Variants in DENND1A observed in about 807,000 individuals in gnomAD.
DENND1A encodes the protein DENN domain-containing protein 1A.
DENND1A carries 51 observed loss-of-function variants against 113.7 expected under a neutral mutation model. The observed-to-expected ratio is 0.45, with a 90% confidence interval of 0.36 to 0.57. The LOEUF (loss-of-function observed/expected upper bound fraction) is 0.57, where lower values mean the gene tolerates loss of function less well. Among genes scored for constraint, DENND1A ranks in the 20% least tolerant of loss-of-function variants. DENND1A has a pLI of 0.00. For missense variants in DENND1A, 1,258 were observed against 1,395.9 expected (o/e 0.90, Z 1.57); for synonymous variants, 565 against 570.8 (o/e 0.99, Z 0.14).
intron 1 of DENND1A, among the ~76,000 whole-genome samples, chr9:123,890,331 C>T (rs1459859093): frequency 6.6e-6 from 1 of 152,126 alleles, no homozygotes; most frequent in Non-Finnish European, 1.5e-5. Flanking sequence ...AAAAGCTTCA[C>T]CATCTCCCCA....
chr9:123,600,132 A>C (rs2059878706), intron 11 of DENND1A, among the ~76,000 whole-genome samples: 1 of 152,190 alleles, frequency 6.6e-6, no homozygotes, highest in Non-Finnish European at 1.5e-5. Context: ...AGTAAGTTTA[A>C]GTTAATGTCA....
chr9:123,833,756 A>G (rs1840643377), intron 2 of DENND1A, among the ~76,000 whole-genome samples: 1 of 152,194 alleles, frequency 6.6e-6, no homozygotes, highest in Non-Finnish European at 1.5e-5. Context: ...AACTCACATC[A>G]ATGGGTCTTA....
intron 2 of DENND1A, among the ~76,000 whole-genome samples, chr9:123,799,922 C>G (rs1273366869): frequency 6.6e-6 from 1 of 152,130 alleles, no homozygotes; most frequent in Non-Finnish European, 1.5e-5. Context: ...ATTATTAACC[C>G]CAATGGAGAA....
chr9:123,460,310 T>C (rs140458172), intron 13 of DENND1A, among the ~76,000 whole-genome samples: 62 of 152,352 alleles, frequency 4.1e-4, no homozygotes, highest in African/African-American at 1.3e-3. Context: ...TCCATTCCTG[T>C]GGCTTGGAAG....
intron 21 of DENND1A, 122 bp from the exon 22 acceptor site, chr9:123,387,980 TGGGGTGGGGGCTCTCA>T (rs1366636171): frequency 8.7e-6 from 9 of 1,034,798 alleles, no homozygotes; most frequent in Non-Finnish European, 1.1e-5. Flanking sequence ...TGTGCCAGCC[TGGGGTGGGGGCTCTCA>T]GGAGAGGAAG....
intron 13 of DENND1A, among the ~76,000 whole-genome samples, chr9:123,517,797 A>C (rs550460611): frequency 7.2e-5 from 11 of 152,344 alleles, no homozygotes; most frequent in African/African-American, 2.6e-4. Flanking sequence ...ATTGCATGAA[A>C]AAGGAAGAAA....
intron 9 of DENND1A, among the ~76,000 whole-genome samples, chr9:123,635,497 T>A (rs7041880): frequency 0.44 from 66,310 of 152,134 alleles, 15,281 homozygotes; most frequent in African/African-American, 0.58. Flanking sequence ...ACCCTGTGCC[T>A]TCCACAGTGT....
intron 13 of DENND1A, among the ~76,000 whole-genome samples, chr9:123,554,725 A>G (rs981499473): frequency 6.6e-6 from 1 of 152,134 alleles, no homozygotes; most frequent in African/African-American, 2.4e-5. Flanking sequence ...CCATTGTAAC[A>G]TTTCTGAAAT....
chr9:123,462,150 C>T (rs890680299), intron 13 of DENND1A: 10 of 152,240 alleles, frequency 6.6e-5, no homozygotes, highest in African/African-American at 2.2e-4. Context: ...CTGAATGGCA[C>T]CAGGCACAGA....
At chr9:123,489,164 G>A (rs1273132588) in intron 13 of DENND1A, among the ~76,000 whole-genome samples, 1 of 152,304 alleles carries the variant, frequency 6.6e-6, no homozygotes, top group East Asian at 1.9e-4. Flanking sequence ...CTCGAATGGA[G>A]GGGACTATGT....
intron 3 of DENND1A, among the ~76,000 whole-genome samples, chr9:123,786,074 A>G (rs752164708): frequency 1.3e-5 from 2 of 151,996 alleles, no homozygotes; most frequent in Non-Finnish European, 2.9e-5. Context: ...TTAGCAGAGT[A>G]TGTTGGCACA....
At position 123,930,053 on chromosome 9, in the gene DENND1A, T is replaced by TCGCCGCCGC. The variant is rs1172827967; in HGVS notation, c.-157_-149dup. On this transcript the variant is annotated 5_prime_UTR_variant, in exon 1 of 24. Coordinates refer to ENST00000394215, the MANE Select transcript of DENND1A (RefSeq NM_001352964.2). ...GCCCGCCCGCTCGAGGCTCGCTCCCTCGCCGCCGCCGCCGCCTCCAGGGGT... is the reference window on the plus strand; with the variant it reads ...GCCCGCCCGCTCGAGGCTCGCTCCCTCGCCGCCGCCGCCGCCGCCGCCGCCTCCAGGGGT... The TCGCCGCCGC allele has an allele frequency of 4.9e-6, 1 of 204,356 alleles. No individual in the cohort carries two copies. Among genetic ancestry groups the TCGCCGCCGC allele is most frequent in the Non-Finnish European group, 9.6e-6 (1 of 104,658 alleles). The allele number at this position is 204,356 out of a possible 1,614,324, so 12.7% of individuals were successfully genotyped here.
chr9:123,393,091 T>C (rs1047760409), intron 21 of DENND1A, among the ~76,000 whole-genome samples: 6 of 152,244 alleles, frequency 3.9e-5, no homozygotes, highest in Admixed American at 3.9e-4. Context: ...TTCCACATCT[T>C]TGCAACCTTA....
chr9:123,674,342 T>TCTCTCTCACACACACA (rs36033303), intron 6 of DENND1A, among the ~76,000 whole-genome samples: 7 of 132,300 alleles, frequency 5.3e-5, no homozygotes, highest in African/African-American at 1.7e-4. Context: ...TGTCTCTCTC[T>TCTCTCTCACACACACA]CACACACACA....
At chr9:123,774,882 C>T (rs1339821229) in intron 3 of DENND1A, among the ~76,000 whole-genome samples, 1 of 152,026 alleles carries the variant, frequency 6.6e-6, no homozygotes, top group Non-Finnish European at 1.5e-5. Context: ...TTATCAAGGA[C>T]ATTAAGTGCA....
intron 5 of DENND1A, among the ~76,000 whole-genome samples, chr9:123,682,353 G>C (rs118153160): frequency 6.6e-6 from 1 of 152,194 alleles, no homozygotes; most frequent in Non-Finnish European, 1.5e-5. Context: ...TGTCGGGACT[G>C]ATGAGTTTAA....
intron 18 of DENND1A, 112 bp from the exon 19 acceptor site, chr9:123,440,603 C>A: frequency 7.4e-7 from 1 of 1,348,048 alleles, no homozygotes; most frequent in Non-Finnish European, 9.6e-7. Context: ...CATTCTGAGC[C>A]TGACCTCTTG....
At chr9:123,627,778 TGAGA>T (rs56191828) in intron 10 of DENND1A, among the ~76,000 whole-genome samples, 10,377 of 121,858 alleles carry the variant, frequency 0.085, 437 homozygotes, top group Non-Finnish European at 0.12. Context: ...AGCGAGCGAG[TGAGA>T]GAGAGAGAGA....
At chr9:123,815,722 T>A (rs1837337125) in intron 2 of DENND1A, among the ~76,000 whole-genome samples, 1 of 152,164 alleles carries the variant, frequency 6.6e-6, no homozygotes, top group Non-Finnish European at 1.5e-5. Context: ...TCTAAGAAAA[T>A]TCCCGAAGAT....
Sources: allele counts gnomAD v4.1 joint callset (sites outside exome capture counted in the v4.1 genomes callset), GRCh38; gene constraint gnomAD v4.1.1; transcripts MANE v1.5; gene names NCBI Gene and HGNC (gene_info 2026-07-23, HGNC 2026-07-21).